Variants in ADAM7 observed in about 807,000 individuals in gnomAD.
The protein encoded by ADAM7 is ADAM metallopeptidase domain 7.
In ADAM7, 97 loss-of-function variants were observed where a neutral mutation model predicts 102.9. The observed-to-expected ratio is 0.94, with a 90% CI of 0.80 to 1.12. The LOEUF (loss-of-function observed/expected upper bound fraction) is 1.12, where lower values mean the gene tolerates loss of function less well. Ranked by LOEUF, ADAM7 falls within the 50% of genes most tolerant of loss-of-function variation. ADAM7 has a pLI of 0.00. For synonymous variants in ADAM7, 334 were observed against 304.4 expected (o/e 1.10, Z -1.01); for missense variants, 991 against 908.7 (o/e 1.09, Z -1.16).
chr8:24,479,735 T>G (rs1819886696), intron 8 of ADAM7, among the ~76,000 whole-genome samples: 3 of 152,156 alleles, frequency 2.0e-5, no homozygotes, highest in African/African-American at 7.2e-5. Context: ...ATTTGGTCAG[T>G]TCTTTCTACC....
intron 3 of ADAM7, among the ~76,000 whole-genome samples, chr8:24,456,055 C>T (rs1026740110): frequency 2.0e-5 from 3 of 152,034 alleles, no homozygotes; most frequent in Admixed American, 6.6e-5. Context: ...GCAACAGATC[C>T]CAGTAAAACT....
intron 20 of ADAM7, chr8:24,505,955 A>G: frequency 3.1e-6 from 2 of 648,668 alleles, no homozygotes; most frequent in East Asian, 5.6e-5. Context: ...TCATATGTAA[A>G]TTTGTCTTAT....
At chr8:24,483,222 C>T (rs187114130) in intron 9 of ADAM7, among the ~76,000 whole-genome samples, 8 of 152,202 alleles carry the variant, frequency 5.3e-5, no homozygotes, top group South Asian at 2.1e-4. Context: ...AGATACCTAG[C>T]GCAGTACTTA....
intron 3 of ADAM7, among the ~76,000 whole-genome samples, chr8:24,448,192 T>C (rs776684003): frequency 1.4e-4 from 21 of 152,214 alleles, no homozygotes; most frequent in Non-Finnish European, 2.4e-4. Context: ...TTGTTTAATT[T>C]ACACTTTGCT....
Position 24,492,075 on chromosome 8 carries a change from A to C in ADAM7, c.1529A>C (p.Gln510Pro), listed in dbSNP as rs750774919. The C allele has an allele frequency of 6.2e-7, 1 of 1,613,546 alleles. No individual in the cohort carries two copies. Among genetic ancestry groups the C allele is most frequent in the Non-Finnish European group, 8.5e-7 (1 of 1,179,668 alleles). ...FMGKCPTRED[Q>P]CSELFDDEAI... ...GGGAAATGTCCAACTCGTGAGGATC[A>C]GTGCTCTGAACTATTTGATGATGGT... The change falls in exon 14 of 22, where the codon CAG (glutamine) becomes CCG (proline). Residue 510 changes from glutamine to proline, a missense_variant. Gln to Pro is a moderately conservative substitution (Grantham distance 76, BLOSUM62 -1). Transcript: ENST00000175238.
chr8:24,499,430 A>G (rs1331834683), intron 17 of ADAM7, 114 bp downstream of exon 17: 9 of 704,924 alleles, frequency 1.3e-5, no homozygotes, highest in African/African-American at 1.9e-5. Flanking sequence ...TGCTTTCTAA[A>G]TCAAATATAT....
intron 14 of ADAM7, among the ~76,000 whole-genome samples, 158 bp from the exon 15 acceptor site, chr8:24,492,337 T>C (rs562740408): frequency 2.6e-5 from 4 of 152,322 alleles, no homozygotes; most frequent in African/African-American, 9.6e-5. Flanking sequence ...GCCTAAAATA[T>C]TCTCCTGAGG....
At position 24,509,336 on chromosome 8, in the gene ADAM7, C is replaced by T; in HGVS notation, c.*790C>T. 1.0e-6 allele frequency: 1 copy of T among 985,396 alleles called. No homozygotes were observed. The highest frequency in any genetic ancestry group is 1.2e-6 in the Non-Finnish European group (1 of 829,958). The allele number at this position is 985,396 out of a possible 1,614,324, so 61.0% of individuals were successfully genotyped here. A position where few individuals can be genotyped will look rare whatever the true frequency, so the allele number is the denominator to read the frequency against. ...GTGCCATTTCTGTGCTGTCTCTGCC[C>T]TCTCCCTATCCGTTTGTTATGGGAT... is the stretch of plus-strand genomic sequence containing the variant. On this transcript the variant is annotated 3_prime_UTR_variant, in exon 22 of 22. Transcript: ENST00000175238.
intron 2 of ADAM7, among the ~76,000 whole-genome samples, chr8:24,446,826 CTATA>C (rs1269485694): frequency 6.7e-6 from 1 of 149,534 alleles, no homozygotes; most frequent in Non-Finnish European, 1.5e-5. Context: ...TAACTAGAAA[CTATA>C]TATAATATGC....
At chr8:24,498,522 C>A (rs907356923) in intron 16 of ADAM7, among the ~76,000 whole-genome samples, 6 of 150,098 alleles carry the variant, frequency 4.0e-5, no homozygotes, top group African/African-American at 1.5e-4. Flanking sequence ...TGTTGGAAAT[C>A]AGGTAAATAA....
chr8:24,455,538 A>T (rs547050386), intron 3 of ADAM7, among the ~76,000 whole-genome samples: 1 of 152,260 alleles, frequency 6.6e-6, no homozygotes, highest in African/African-American at 2.4e-5. Context: ...CCTCTCAACT[A>T]GCTGGAACTA....
rs866331663 is a variant in ADAM7 at position 24,441,071 on chromosome 8, T to G, written c.-38T>G. On this transcript the variant is annotated 5_prime_UTR_variant, in exon 1 of 22. Transcript: ENST00000175238. ...GAGGAAGAAAGGTGAACTCCTTTTC[T>G]CAAGCACTTCTGCTCTCCTCTACCA... 8.2e-6 allele frequency: 13 copies of G among 1,592,544 alleles called. No individual in the cohort carries two copies. The highest frequency in any genetic ancestry group is 1.0e-5 in the Non-Finnish European group (12 of 1,160,768).
intron 7 of ADAM7, among the ~76,000 whole-genome samples, chr8:24,473,888 T>C (rs941235241): frequency 3.3e-5 from 5 of 152,056 alleles, no homozygotes; most frequent in African/African-American, 4.8e-5. Flanking sequence ...TTTATATATA[T>C]AGTATATATT....
In ADAM7 at chr8:24,476,480, G is replaced by T; in HGVS notation, c.681G>T (p.Trp227Cys). 6.2e-7 allele frequency: 1 copy of T among 1,608,966 alleles called. No homozygotes were observed. Among genetic ancestry groups the T allele is most frequent in the African/African-American group, 1.3e-5 (1 of 74,912 alleles). The stretch of plus-strand genomic sequence containing the variant: ...ACAATAAACTAAGGAACCGAATTTG[G>T]GGAATGGTCAATTTTGTCAACATGG... ...HPHNKLRNRI[W>C]GMVNFVNMIY... Residue 227 changes from tryptophan to cysteine, a missense_variant, in exon 8 of 22, where the codon TGG (tryptophan) becomes TGT (cysteine). Coordinates refer to ENST00000175238, the MANE Select transcript of ADAM7 (RefSeq NM_003817.4).
chr8:24,492,391 A>G (rs980139205), intron 14 of ADAM7, 104 bp from the exon 15 acceptor site: 25 of 860,334 alleles, frequency 2.9e-5, no homozygotes, highest in Non-Finnish European at 4.5e-5. Flanking sequence ...CTACTTCACT[A>G]TGACATGATT....
In ADAM7 at chr8:24,500,171, C is replaced by T. The variant is rs1350662784; in HGVS notation, c.1924-7C>T. 5 of 1,608,534 alleles carry T rather than the reference C, an allele frequency of 3.1e-6. No homozygotes were observed. The highest frequency in any genetic ancestry group is 1.7e-5 in the Admixed American group (1 of 59,488). On this transcript the variant is annotated splice_region_variant and splice_polypyrimidine_tract_variant and intron_variant, in intron 17 of 21. Transcript: ENST00000175238. ...ATTTGAGAATATATCATTGACTGCT[C>T]TTCCAGGTGGATGGCCACGGACTCC...
At chr8:24,470,634 G>A (rs1819573553) in intron 7 of ADAM7, among the ~76,000 whole-genome samples, 1 of 152,046 alleles carries the variant, frequency 6.6e-6, no homozygotes, top group South Asian at 2.1e-4. Flanking sequence ...AATTCCTATA[G>A]CCTAGTGACA....
intron 3 of ADAM7, among the ~76,000 whole-genome samples, chr8:24,452,103 G>T (rs1304833413): frequency 6.6e-6 from 1 of 151,450 alleles, no homozygotes; most frequent in Non-Finnish European, 1.5e-5. Context: ...GTGTGGTGTG[G>T]TGCTGAAAAA....
In ADAM7 at chr8:24,489,204, C is replaced by G; in HGVS notation, c.1137C>G (p.His379Gln). The G allele has an allele frequency of 3.1e-6, 5 of 1,613,206 alleles. No individual in the cohort carries two copies. Among genetic ancestry groups the G allele is most frequent in the Non-Finnish European group, 4.2e-6 (5 of 1,179,598 alleles). Residue 379 changes from histidine to glutamine, a missense_variant, in exon 12 of 22, where the codon CAC becomes CAG. Transcript: ENST00000175238. ...KFSKCSQNQYHQYLKDYKPTC... is the reference protein window; with the variant it reads ...KFSKCSQNQYQQYLKDYKPTC... The stretch of plus-strand genomic sequence containing the variant: ...GTAAATGCAGCCAAAACCAATACCA[C>G]CAGTACTTGAAGGATTATAAGCCAA...
Sources: gnomAD v4.1 joint callset for allele counts (sites outside exome capture counted in the v4.1 genomes callset) on GRCh38, gnomAD v4.1.1 for gene constraint, MANE v1.5 for transcripts, NCBI Gene and HGNC (gene_info 2026-07-23, HGNC 2026-07-21) for gene names.